AGRN: variants seen among roughly 807,000 people sequenced by gnomAD.
AGRN encodes agrin proteoglycan.
A neutral mutation model predicts 211.0 loss-of-function variants in AGRN; 106 were observed. The observed-to-expected ratio is 0.50, with a 90% CI of 0.43 to 0.59. The LOEUF (loss-of-function observed/expected upper bound fraction) is 0.59, where lower values mean the gene tolerates loss of function less well. AGRN is among the 20% of genes least tolerant of loss of function. The pLI, the probability that AGRN is intolerant of heterozygous loss-of-function variation, is 0.00. For synonymous variants in AGRN, 1,525 were observed against 1,332.5 expected (o/e 1.14, Z -3.15); for missense variants, 3,040 against 2,982.6 (o/e 1.02, Z -0.45).
Position 1,050,492 on chromosome 1 carries a change from G to C in AGRN, c.5042G>C (p.Gly1681Ala). 2 of 1,612,918 alleles carry C rather than the reference G, an allele frequency of 1.2e-6. No individual in the cohort carries two copies. The highest frequency in any genetic ancestry group is 1.7e-6 in the Non-Finnish European group (2 of 1,179,910). Residue 1681 changes from glycine (G) to alanine (A), a missense_variant, in exon 29 of 36, where the codon GGG becomes GCG. This residue lies in a region of AGRN where 1,537 missense variants were observed against 1,505.0 expected (regional missense o/e 1.02). Coordinates refer to ENST00000379370, the MANE Select transcript of AGRN (RefSeq NM_198576.4). ...RGPSGLLLYNGQKTDGKGDFV... is the reference protein window; with the variant it reads ...RGPSGLLLYNAQKTDGKGDFV... ...CCCAGCGGCCTCCTGCTCTACAACG[G>C]GCAGAAGACGGACGGCAAGGGGGAC...
intron 7 of AGRN, among the ~76,000 whole-genome samples, chr1:1,042,693 T>G (rs1384534011): frequency 1.3e-5 from 2 of 152,214 alleles, no homozygotes; most frequent in Non-Finnish European, 2.9e-5. Flanking sequence ...TCTTCCAGCC[T>G]GACCTGCTGG....
chr1:1,050,612 C>G (rs1333657417), intron 29 of AGRN, 21 bp downstream of exon 29: 6 of 1,605,842 alleles, frequency 3.7e-6, no homozygotes, highest in Admixed American at 1.7e-5. Context: ...AAGGGTGGCT[C>G]TGGGAGGCCT....
chr1:1,049,384 G>A lies in AGRN; in HGVS notation c.4447G>A (p.Gly1483Ser). Reference protein sequence around the residue: ...ETPVLGESPSGTDGLNLDTDL... With the variant: ...ETPVLGESPSSTDGLNLDTDL... ...CCCTGTTCTGGGCGAGAGTCCCAGT[G>A]GCACCGACGGCCTCAACCTGGACAC... The change falls in exon 25 of 36, where the codon GGC becomes AGC. Residue 1483 changes from glycine to serine, a missense_variant. Around this residue, in one of 3 missense-constraint regions of AGRN, gnomAD observed 1,537 missense variants for 1,505.0 expected, o/e 1.02. Transcript: ENST00000379370. The A allele has an allele frequency of 6.3e-7, 1 of 1,598,880 alleles. No homozygotes were observed. Among genetic ancestry groups the A allele is most frequent in the Non-Finnish European group, 8.5e-7 (1 of 1,179,736 alleles).
chr1:1,053,938 C>A lies in AGRN; in HGVS notation c.5837C>A (p.Pro1946His). ...SQPVVLRSTV[P>H]VNTNRWLRVV... ...CCCGTGGTGCTGCGTTCCACCGTGC[C>A]CGTCAACACCAACCGCTGGTTGCGG... Residue 1946 changes from proline (P) to histidine (H), a missense_variant, in exon 34 of 36, where the codon CCC becomes CAC. Pro to His is a moderately conservative substitution (Grantham distance 77). Coordinates refer to ENST00000379370, the MANE Select transcript of AGRN (RefSeq NM_198576.4). The A allele has an allele frequency of 6.2e-7, 1 of 1,604,478 alleles. No individual in the cohort carries two copies. Among genetic ancestry groups the A allele is most frequent in the East Asian group, 2.2e-5 (1 of 44,512 alleles).
At chr1:1,021,774 A>G (rs1557681411) in intron 1 of AGRN, among the ~76,000 whole-genome samples, 3 of 152,244 alleles carry the variant, frequency 2.0e-5, no homozygotes, top group Admixed American at 2.0e-4. Flanking sequence ...CACAGGGCCA[A>G]GCTGGCCCCT....
At position 1,055,454 on chromosome 1, in the gene AGRN, T is replaced by C. The variant is rs1429897060; in HGVS notation, c.*473T>C. On this transcript the variant is annotated 3_prime_UTR_variant, in exon 36 of 36. Coordinates refer to ENST00000379370, the MANE Select transcript of AGRN (RefSeq NM_198576.4). ...CTGCCTCGGCCTCCTGCGCCAATACTGTGACTTCCAAACAATGTTACTGCT... is the reference window on the plus strand; with the variant it reads ...CTGCCTCGGCCTCCTGCGCCAATACCGTGACTTCCAAACAATGTTACTGCT... 4 of 284,342 alleles carry C rather than the reference T, an allele frequency of 1.4e-5. No individual in the cohort carries two copies. The highest frequency in any genetic ancestry group is 2.1e-5 in the Non-Finnish European group (3 of 145,020). The allele number at this position is 284,342 out of a possible 1,614,324, so 17.6% of individuals were successfully genotyped here.
rs1645004886 is a variant in AGRN at position 1,043,526 on chromosome 1, G to A, written c.1604-12G>A. 6.2e-7 allele frequency: 1 copy of A among 1,602,926 alleles called. No homozygotes were observed. The highest frequency in any genetic ancestry group is 2.2e-5 in the East Asian group (1 of 44,868). On this transcript the variant is annotated splice_polypyrimidine_tract_variant and intron_variant, in intron 8 of 35. Coordinates refer to ENST00000379370, the MANE Select transcript of AGRN (RefSeq NM_198576.4). ...GGTTCCTGGTCGCCTGGTGATGGAAGCTCCTCCCCAGACCGCTGCGGGCAG... is the reference window on the plus strand; with the variant it reads ...GGTTCCTGGTCGCCTGGTGATGGAAACTCCTCCCCAGACCGCTGCGGGCAG...
chr1:1,054,293 G>T (rs1179890484), intron 34 of AGRN, among the ~76,000 whole-genome samples, 155 bp from the exon 35 acceptor site: 2 of 152,216 alleles, frequency 1.3e-5, no homozygotes, highest in African/African-American at 4.8e-5. Flanking sequence ...CCTCCTTGGG[G>T]TCAAGGCCAC....
chr1:1,042,645 CT>C (rs1644976475), intron 7 of AGRN, among the ~76,000 whole-genome samples: 1 of 152,170 alleles, frequency 6.6e-6, no homozygotes, highest in Non-Finnish European at 1.5e-5. Context: ...TGTCTCTTCT[CT>C]TTGGTCTCTT....
chr1:1,032,314 G>C lies in AGRN; in HGVS notation c.464-2963G>C, dbSNP rs1487925540. 6.6e-6 allele frequency among the ~76,000 whole-genome samples: 1 copy of C among 152,322 alleles called. No homozygotes were observed. The highest frequency in any genetic ancestry group is 6.5e-5 in the Admixed American group (1 of 15,298). On this transcript the variant is annotated intron_variant, in intron 2 of 35. Coordinates refer to ENST00000379370, the MANE Select transcript of AGRN (RefSeq NM_198576.4). The surrounding 1 kb of genome is among the most constrained non-coding windows in gnomAD (Gnocchi z 4.7). ...GTGATGGGGCATGGTGCTGGTCCCTGGCTGTGGGGTGGAAAGGAGTCCCAA... is the reference window on the plus strand; with the variant it reads ...GTGATGGGGCATGGTGCTGGTCCCTCGCTGTGGGGTGGAAAGGAGTCCCAA...
intron 2 of AGRN, among the ~76,000 whole-genome samples, chr1:1,028,320 G>GCACCCCCCCCCCCC (rs779617012): frequency 9.5e-6 from 1 of 105,092 alleles, no homozygotes. Context: ...GTGGGGAAAC[G>GCACCCCCCCCCCCC]CCCCCCCCCC....
At chr1:1,043,037 C>T (rs1472093665) in intron 7 of AGRN, among the ~76,000 whole-genome samples, 2 of 152,110 alleles carry the variant, frequency 1.3e-5, no homozygotes, top group South Asian at 2.1e-4. Context: ...CCACCGGGGA[C>T]TCCTGGGTGT....
chr1:1,050,907 C>T, intron 30 of AGRN, 70 bp downstream of exon 30: 2 of 1,527,712 alleles, frequency 1.3e-6, no homozygotes, highest in Middle Eastern at 1.7e-4. Flanking sequence ...CAGCCCCGCC[C>T]CTGCCGGCGC....
At chr1:1,053,711 T>C in intron 33 of AGRN, 42 bp from the exon 34 acceptor site, 1 of 1,556,234 alleles carries the variant, frequency 6.4e-7, no homozygotes, top group Non-Finnish European at 8.7e-7. Flanking sequence ...CCTGTCCTGT[T>C]GCCACCTTCC....
Position 1,042,036 on chromosome 1 carries a change from A to C in AGRN, c.1258A>C (p.Thr420Pro). ...TCCCCGCTGCTCCTGCGACCGCGTC[A>C]CCTGTGACGGGGCCTACAGGCCCGT... ...GRPRCSCDRV[T>P]CDGAYRPVCA... The change falls in exon 7 of 36, where the codon ACC becomes CCC. Residue 420 changes from threonine (T) to proline (P), a missense_variant. Physicochemically the swap from Thr to Pro is conservative, Grantham distance 38. Transcript: ENST00000379370. 1 of 1,609,844 alleles carries C rather than the reference A, an allele frequency of 6.2e-7. No individual in the cohort carries two copies. Among genetic ancestry groups the C allele is most frequent in the Non-Finnish European group, 8.5e-7 (1 of 1,179,618 alleles).
chr1:1,042,215 C>A (rs1644964528), intron 7 of AGRN, 53 bp downstream of exon 7: 16 of 1,535,734 alleles, frequency 1.0e-5, no homozygotes, highest in Non-Finnish European at 1.2e-5. Context: ...TGCGTCAGTC[C>A]CTGCCTGGAC....
At position 1,050,776 on chromosome 1, in the gene AGRN, G is replaced by A. The variant is rs545570388; in HGVS notation, c.5192G>A (p.Arg1731Gln). 37 of 1,602,638 alleles carry A rather than the reference G, an allele frequency of 2.3e-5. No homozygotes were observed. Among genetic ancestry groups the A allele is most frequent in the East Asian group, 6.7e-5 (3 of 44,572 alleles). Residue 1731 changes from arginine (R) to glutamine (Q), a missense_variant, in exon 30 of 36, where the codon CGA becomes CAA. Arg to Gln is a conservative substitution (Grantham distance 43, BLOSUM62 1). Coordinates refer to ENST00000379370, the MANE Select transcript of AGRN (RefSeq NM_198576.4). ...LGAWTRVSLE[R>Q]NGRKGALRVG... ...GCCTGGACCAGGGTCTCACTGGAGCGAAACGGCCGCAAGGGTGCCCTGCGT... is the reference window on the plus strand; with the variant it reads ...GCCTGGACCAGGGTCTCACTGGAGCAAAACGGCCGCAAGGGTGCCCTGCGT...
intron 2 of AGRN, among the ~76,000 whole-genome samples, chr1:1,027,240 T>TTG (rs750297449): frequency 1.3e-5 from 2 of 152,006 alleles, no homozygotes; most frequent in South Asian, 4.1e-4. Flanking sequence ...GTGCATGTGT[T>TTG]TGTGTGTGTG....
intron 2 of AGRN, among the ~76,000 whole-genome samples, chr1:1,023,781 G>T (rs899870806): frequency 6.6e-6 from 1 of 152,158 alleles, no homozygotes; most frequent in Non-Finnish European, 1.5e-5. Flanking sequence ...TACCGAAGCC[G>T]CTCTACGGGT....
Sources: gnomAD v4.1 joint callset for allele counts (sites outside exome capture counted in the v4.1 genomes callset) on GRCh38, gnomAD v4.1.1 for gene constraint, gnomAD v4.1.1 regional missense constraint, Gnocchi (gnomAD v3.1) non-coding constraint, MANE v1.5 for transcripts, NCBI Gene and HGNC (gene_info 2026-07-23, HGNC 2026-07-21) for gene names.